Variants in GAS2L3 observed in about 807,000 individuals in gnomAD.
GAS2L3 encodes growth arrest specific 2 like 3, also known as GAS2-like protein 3.
GAS2L3 carries 28 observed loss-of-function variants against 37.0 expected under a neutral mutation model. The ratio of observed to expected loss-of-function variants is 0.76; its 90% CI spans 0.56 to 1.04. The LOEUF (loss-of-function observed/expected upper bound fraction) is 1.04. Ranked by LOEUF, GAS2L3 falls within the 50% of genes least tolerant of loss-of-function variation. The probability of loss-of-function intolerance (pLI) is 0.00; values close to 1 mark genes in which losing one functional copy is unlikely to be tolerated. For synonymous variants in GAS2L3, 290 were observed against 296.6 expected, an observed-to-expected ratio of 0.98 and a Z score of 0.23; for missense variants, 793 against 817.6, an observed-to-expected ratio of 0.97 and a Z score of 0.37.
intron 8 of GAS2L3, among the ~76,000 whole-genome samples, chr12:100,619,105 T>C (rs147002864): frequency 1.3e-5 from 2 of 151,974 alleles, no homozygotes; most frequent in African/African-American, 4.8e-5. Flanking sequence ...TGAGAGAGAA[T>C]CTAGGGTGAT....
intron 1 of GAS2L3, among the ~76,000 whole-genome samples, chr12:100,589,689 G>A (rs1214530035): frequency 2.6e-5 from 4 of 152,104 alleles, no homozygotes; most frequent in Admixed American, 6.6e-5. Context: ...ATAAGGCCAT[G>A]GTCACCAAAA....
chr12:100,584,144 C>T (rs1310077254), intron 1 of GAS2L3, among the ~76,000 whole-genome samples: 2 of 152,206 alleles, frequency 1.3e-5, no homozygotes, highest in East Asian at 3.9e-4. Flanking sequence ...CCCAGGAAAA[C>T]TTATGCTTGG....
intron 5 of GAS2L3, among the ~76,000 whole-genome samples, chr12:100,605,875 G>GT (rs552242830): frequency 1.5e-3 from 214 of 143,608 alleles, no homozygotes; most frequent in Middle Eastern, 3.5e-3. Flanking sequence ...GTTATTTCAG[G>GT]TTTTTTTTTT....
intron 1 of GAS2L3, among the ~76,000 whole-genome samples, chr12:100,590,795 A>T (rs1955837150): frequency 6.6e-6 from 1 of 152,194 alleles, no homozygotes; most frequent in African/African-American, 2.4e-5. Context: ...CCTGGATGAG[A>T]TTGAAGACTA....
chr12:100,592,668 C>T (rs1235464746), intron 2 of GAS2L3, among the ~76,000 whole-genome samples: 1 of 152,028 alleles, frequency 6.6e-6, no homozygotes, highest in East Asian at 1.9e-4. Context: ...CCAACATTTT[C>T]CTCGGATTTT....
chr12:100,615,202 A>C (rs1956171455), intron 6 of GAS2L3, among the ~76,000 whole-genome samples: 1 of 152,052 alleles, frequency 6.6e-6, no homozygotes, highest in African/African-American at 2.4e-5. Flanking sequence ...TAACCATCCT[A>C]GTGGGTGTGA....
At chr12:100,619,267 A>T (rs1272811182) in intron 8 of GAS2L3, among the ~76,000 whole-genome samples, 1 of 151,900 alleles carries the variant, frequency 6.6e-6, no homozygotes, top group Non-Finnish European at 1.5e-5. Flanking sequence ...ACAACTGGAC[A>T]GTCTTCTTAA....
At chr12:100,618,645 G>A in intron 8 of GAS2L3, 58 bp downstream of exon 8, 12 of 1,502,534 alleles carry the variant, frequency 8.0e-6, no homozygotes, top group Non-Finnish European at 9.9e-6. Context: ...ATAGTTTTAA[G>A]CACTTCTAGT....
At chr12:100,622,779 A>AAAAAG (rs1956274729) in intron 9 of GAS2L3, among the ~76,000 whole-genome samples, 2 of 125,480 alleles carry the variant, frequency 1.6e-5, no homozygotes, top group Admixed American at 8.1e-5. Context: ...AAAAAAAAAA[A>AAAAAG]AAAGAAAAGA....
chr12:100,595,053 A>G, intron 3 of GAS2L3, 131 bp downstream of exon 3: 1 of 402,804 alleles, frequency 2.5e-6, no homozygotes, highest in Non-Finnish European at 4.6e-6. Flanking sequence ...TTTTAATAAC[A>G]CATACTATAT....
intron 1 of GAS2L3, among the ~76,000 whole-genome samples, chr12:100,576,066 T>TA (rs534266691): frequency 6.6e-5 from 10 of 151,938 alleles, no homozygotes; most frequent in Admixed American, 2.6e-4. Flanking sequence ...ATGCTATTAG[T>TA]AAAAAAAACA....
chr12:100,579,593 G>GTA, intron 1 of GAS2L3: 1 of 773,084 alleles, frequency 1.3e-6, no homozygotes, highest in South Asian at 1.4e-5. Flanking sequence ...ATGACAGGGT[G>GTA]CATCTTTTGG....
At position 100,624,135 on chromosome 12, in the gene GAS2L3, G is replaced by A. The variant is rs187607262; in HGVS notation, c.1330G>A (p.Ala444Thr). The part of the protein sequence containing the change: ...KCISSPNTPK[A>T]KVIPAQNSAD... ...TATTTCATCCCCCAATACCCCCAAG[G>A]CCAAGGTTATTCCAGCCCAGAATTC... is the stretch of plus-strand genomic sequence containing the variant. Residue 444 changes from alanine to threonine, a missense_variant, in exon 10 of 10, where the codon GCC (alanine) becomes ACC (threonine). By Grantham distance (58) the Ala-to-Thr change is moderately conservative (BLOSUM62 0). Coordinates refer to ENST00000547754, the MANE Select transcript of GAS2L3 (RefSeq NM_174942.3). 6.2e-7 allele frequency: 1 copy of A among 1,612,800 alleles called. No individual in the cohort carries two copies. Among genetic ancestry groups the A allele is most frequent in the East Asian group, 2.2e-5 (1 of 44,780 alleles).
chr12:100,601,673 C>T lies in GAS2L3; in HGVS notation c.223C>T (p.Leu75Phe). 6.9e-6 allele frequency: 11 copies of T among 1,595,668 alleles called. No homozygotes were observed. Among genetic ancestry groups the T allele is most frequent in the South Asian group, 1.1e-5 (1 of 89,772 alleles). The change falls in exon 5 of 10, where the codon CTT (leucine) becomes TTT (phenylalanine). Residue 75 changes from leucine to phenylalanine, a missense_variant. Transcript: ENST00000547754. Reference protein sequence around the residue: ...KVKAEKLLEELDNGVLLCQLI... With the variant: ...KVKAEKLLEEFDNGVLLCQLI... ...TAAGGCAGAAAAATTATTGGAAGAA[C>T]TTGATAATGGAGTACTATTATGTCA...
intron 1 of GAS2L3, among the ~76,000 whole-genome samples, chr12:100,574,718 A>G (rs1268790005): frequency 1.3e-5 from 2 of 152,228 alleles, no homozygotes; most frequent in Non-Finnish European, 2.9e-5. Context: ...AACAAAAACA[A>G]CAAGAACAAC....
At chr12:100,604,192 G>C (rs1244798267) in intron 5 of GAS2L3, among the ~76,000 whole-genome samples, 1 of 152,010 alleles carries the variant, frequency 6.6e-6, no homozygotes, top group Non-Finnish European at 1.5e-5. Flanking sequence ...GCTTTGAGTA[G>C]TATGGCCGTT....
intron 1 of GAS2L3, among the ~76,000 whole-genome samples, chr12:100,588,378 G>A (rs1955806526): frequency 6.6e-6 from 1 of 152,122 alleles, no homozygotes; most frequent in Non-Finnish European, 1.5e-5. Flanking sequence ...TTTTTATTAA[G>A]GGTTTCAAAA....
intron 2 of GAS2L3, chr12:100,593,867 T>G (rs903775503): frequency 6.6e-6 from 1 of 152,064 alleles, no homozygotes; most frequent in East Asian, 1.9e-4. Flanking sequence ...CATTCTGTTG[T>G]CTTTTGCCTT....
intron 6 of GAS2L3, among the ~76,000 whole-genome samples, chr12:100,616,705 TCCCA>T (rs1365304746): frequency 6.6e-6 from 1 of 152,184 alleles, no homozygotes; most frequent in African/African-American, 2.4e-5. Context: ...CGCCTCAGTC[TCCCA>T]AAGTGCTAGG....
Sources: gnomAD v4.1 joint callset for allele counts (sites outside exome capture counted in the v4.1 genomes callset) on GRCh38, gnomAD v4.1.1 for gene constraint, MANE v1.5 for transcripts, NCBI Gene and HGNC (gene_info 2026-07-23, HGNC 2026-07-21) for gene names.